SMIM35: variants seen among roughly 807,000 people sequenced by gnomAD.
SMIM35 encodes small integral membrane protein 35.
chr11:118,040,414 C>T (rs1466826164), intron 1 of SMIM35, among the ~76,000 whole-genome samples: 1 of 152,142 alleles, frequency 6.6e-6, no homozygotes, highest in Non-Finnish European at 1.5e-5. Context: ...TAGCACTTGG[C>T]TTTTCAGCAA....
chr11:118,047,094 G>A (rs532483793), intron 1 of SMIM35, among the ~76,000 whole-genome samples: 8 of 152,304 alleles, frequency 5.3e-5, no homozygotes, highest in African/African-American at 1.7e-4. Flanking sequence ...ATGAGTTTTA[G>A]GAGTAAACCG....
chr11:118,077,876 G>A (rs1278342751), intron 1 of SMIM35, among the ~76,000 whole-genome samples: 3 of 151,994 alleles, frequency 2.0e-5, no homozygotes, highest in Admixed American at 2.0e-4. Flanking sequence ...AGCCAGGCGT[G>A]GTGGCAGGTG....
intron 1 of SMIM35, among the ~76,000 whole-genome samples, chr11:118,041,876 C>T (rs1185963491): frequency 6.6e-6 from 1 of 151,768 alleles, no homozygotes; most frequent in East Asian, 1.9e-4. Context: ...CATGGTGAAA[C>T]CCTGTCCCTA....
intron 1 of SMIM35, among the ~76,000 whole-genome samples, chr11:118,022,408 A>G (rs1250750012): frequency 6.6e-6 from 1 of 152,240 alleles, no homozygotes; most frequent in Non-Finnish European, 1.5e-5. Flanking sequence ...ATAATATACA[A>G]TATGTTCCCT....
At chr11:118,025,668 G>A (rs2058268862) in intron 1 of SMIM35, 2 of 446,214 alleles carry the variant, frequency 4.5e-6, no homozygotes. Context: ...GATTGCCCAA[G>A]TTCCTTATAG....
At chr11:118,025,745 C>T (rs898854431) in intron 1 of SMIM35, 5 of 454,212 alleles carry the variant, frequency 1.1e-5, no homozygotes, top group Non-Finnish European at 2.2e-5. Context: ...TATAGGTTGT[C>T]TGTTTGTTCT....
intron 1 of SMIM35, among the ~76,000 whole-genome samples, chr11:118,069,522 A>C (rs964795765): frequency 4.6e-5 from 7 of 152,200 alleles, no homozygotes; most frequent in African/African-American, 1.7e-4. Flanking sequence ...GGTGCCACAG[A>C]TATAAATAAA....
Position 118,014,419 on chromosome 11 carries a change from TGG to T in SMIM35, c.158+287_158+288del, listed in dbSNP as rs1489912995. On this transcript the variant is annotated intron_variant, in intron 3 of 4. Transcript: ENST00000689828. The stretch of plus-strand genomic sequence containing the variant: ...ATGGATGGATGGATGGATGGATGGA[TGG>T]ATGGATGGATGAATGGATGGATGGA... 4.4e-4 allele frequency among the ~76,000 whole-genome samples: 66 copies of T among 151,554 alleles called. 1 individual carries two copies. The Middle Eastern group carries it at 0.01, about 23-fold the overall frequency.
chr11:118,049,679 G>A (rs1464889407), intron 1 of SMIM35, among the ~76,000 whole-genome samples: 4 of 151,948 alleles, frequency 2.6e-5, no homozygotes, highest in Non-Finnish European at 2.9e-5. Context: ...TAATTTTTGC[G>A]TGTGTGCTTT....
intron 1 of SMIM35, among the ~76,000 whole-genome samples, chr11:118,081,751 G>GCATT (rs112018141): frequency 1.9e-4 from 29 of 152,146 alleles, no homozygotes; most frequent in East Asian, 1.7e-3. Flanking sequence ...AAATCTGTAT[G>GCATT]CATTCATTCA....
intron 1 of SMIM35, among the ~76,000 whole-genome samples, chr11:118,043,820 A>G (rs1267996223): frequency 2.1e-5 from 3 of 144,742 alleles, no homozygotes; most frequent in Non-Finnish European, 3.0e-5. Flanking sequence ...AAAAAGGAAA[A>G]GAAAAAGAAA....
chr11:118,013,329 G>A (rs954536315), intron 4 of SMIM35, among the ~76,000 whole-genome samples: 3 of 152,212 alleles, frequency 2.0e-5, no homozygotes, highest in Non-Finnish European at 4.4e-5. Context: ...GGAACGTGTG[G>A]CCAGAGTTGG....
chr11:118,026,246 A>G (rs900698010), intron 1 of SMIM35, among the ~76,000 whole-genome samples: 1 of 152,216 alleles, frequency 6.6e-6, no homozygotes, highest in East Asian at 1.9e-4. Context: ...GTAAAGCCAC[A>G]TATTTTAGAA....
At chr11:118,079,613 A>C (rs867895282) in intron 1 of SMIM35, among the ~76,000 whole-genome samples, 1 of 152,176 alleles carries the variant, frequency 6.6e-6, no homozygotes, top group African/African-American at 2.4e-5. Context: ...GAGCCACCAG[A>C]CGTGGGTGTT....
chr11:118,049,801 G>A (rs1474088763), intron 1 of SMIM35, among the ~76,000 whole-genome samples: 1 of 152,168 alleles, frequency 6.6e-6, no homozygotes, highest in Non-Finnish European at 1.5e-5. Context: ...TAAAGAGTCT[G>A]GCAAGGGTAA....
Position 118,065,488 on chromosome 11 carries a change from TGGC to T in SMIM35, c.7+21260_7+21262del, listed in dbSNP as rs1944459226. On this transcript the variant is annotated intron_variant, in intron 1 of 4. Transcript: ENST00000689828. The stretch of plus-strand genomic sequence containing the variant: ...CCCCAACTTTCACACCTTCCGTCGC[TGGC>T]CAACTTTTCTTTTGCATAGGAGTAT... Among the ~76,000 whole-genome samples the T allele has an allele frequency of 2.0e-5, 3 of 152,348 alleles. No individual in the cohort carries two copies. The South Asian group carries it at 6.2e-4, about 32-fold the overall frequency.
chr11:118,077,342 G>C, intron 1 of SMIM35: 1 of 1,580,668 alleles, frequency 6.3e-7, no homozygotes, highest in Non-Finnish European at 8.6e-7. Flanking sequence ...GACACAGGAA[G>C]GGTGGGTCTC....
intron 1 of SMIM35, among the ~76,000 whole-genome samples, chr11:118,048,973 A>G (rs1366657770): frequency 2.0e-5 from 3 of 150,856 alleles, no homozygotes; most frequent in Non-Finnish European, 4.4e-5. Context: ...AAGCAAGTGA[A>G]AACGATGATG....
Position 118,011,461 on chromosome 11 carries a change from G to A in SMIM35, c.*33+2287C>T, listed in dbSNP as rs528454318. On this transcript the variant is annotated intron_variant, in intron 4 of 4. Coordinates refer to ENST00000689828, the MANE Select transcript of SMIM35 (RefSeq NM_001394165.1). Reference sequence around the variant, plus strand: ...AATCCCAGCACTTTGGGAGGCCGAGGCGGGTGGCTCACTTGAGGTTAGGAG... The same window carrying A: ...AATCCCAGCACTTTGGGAGGCCGAGACGGGTGGCTCACTTGAGGTTAGGAG... Among the ~76,000 whole-genome samples, 204 of 152,330 alleles carry A rather than the reference G, an allele frequency of 1.3e-3. 3 individuals carry two copies. Among genetic ancestry groups the A allele is most frequent in the African/African-American group, 4.7e-3 (196 of 41,572 alleles).
Sources: gnomAD v4.1 joint callset for allele counts (sites outside exome capture counted in the v4.1 genomes callset) on GRCh38, gnomAD v4.1.1 for gene constraint, MANE v1.5 for transcripts, NCBI Gene and HGNC (gene_info 2026-07-23, HGNC 2026-07-21) for gene names.